Variants in NRXN3 observed in about 807,000 individuals in gnomAD.
NRXN3 encodes neurexin III.
In NRXN3, 32 loss-of-function variants were observed where a neutral mutation model predicts 137.6. That is an observed-to-expected ratio of 0.23 (90% CI 0.18 to 0.31). The LOEUF (loss-of-function observed/expected upper bound fraction) is 0.31, where lower values mean the gene tolerates loss of function less well. NRXN3 is among the 10% of genes least tolerant of loss of function. NRXN3 has a pLI of 1.00. For missense variants in NRXN3, 1,574 were observed against 2,062.5 expected, an observed-to-expected ratio of 0.76 and a Z score of 4.59; for synonymous variants, 798 against 784.5, an observed-to-expected ratio of 1.02 and a Z score of -0.29.
chr14:79,469,656 G>C (rs1009942980), intron 16 of NRXN3, among the ~76,000 whole-genome samples: 2 of 152,158 alleles, frequency 1.3e-5, no homozygotes, highest in African/African-American at 4.8e-5. Context: ...TGAAAGCCCA[G>C]TAGATTTTCC....
At chr14:79,762,490 AT>A (rs918379381) in intron 19 of NRXN3, among the ~76,000 whole-genome samples, 2 of 151,162 alleles carry the variant, frequency 1.3e-5, no homozygotes, top group South Asian at 2.1e-4. Flanking sequence ...AATTTAATAA[AT>A]TTTTTTTCTT....
chr14:78,265,847 A>G (rs1019885903), intron 2 of NRXN3, among the ~76,000 whole-genome samples: 9 of 152,190 alleles, frequency 5.9e-5, no homozygotes, highest in African/African-American at 1.9e-4. Context: ...ACTGATCACA[A>G]TGATAATTAA....
intron 10 of NRXN3, among the ~76,000 whole-genome samples, chr14:78,925,065 G>A (rs986364285): frequency 1.3e-5 from 2 of 152,156 alleles, no homozygotes; most frequent in Non-Finnish European, 2.9e-5. Context: ...TTCATTAGAC[G>A]GAGAGCCGTG....
At chr14:79,792,156 T>C (rs1222252454) in intron 19 of NRXN3, among the ~76,000 whole-genome samples, 3 of 151,932 alleles carry the variant, frequency 2.0e-5, no homozygotes, top group Admixed American at 1.3e-4. Flanking sequence ...CCTCCAGATA[T>C]ACGTTAAACT....
At chr14:78,759,319 C>T (rs934405598) in intron 8 of NRXN3, among the ~76,000 whole-genome samples, 1 of 152,166 alleles carries the variant, frequency 6.6e-6, no homozygotes, top group African/African-American at 2.4e-5. Context: ...GTGAACCAGC[C>T]TCTAACCAGG....
chr14:79,556,665 C>T (rs2097432852), intron 16 of NRXN3, among the ~76,000 whole-genome samples: 2 of 152,174 alleles, frequency 1.3e-5, no homozygotes, highest in Non-Finnish European at 2.9e-5. Flanking sequence ...AAGTGATCCT[C>T]CTGCCTCAGC....
At chr14:79,457,477 A>G (rs1026349401) in intron 15 of NRXN3, among the ~76,000 whole-genome samples, 2 of 152,198 alleles carry the variant, frequency 1.3e-5, no homozygotes, top group African/African-American at 4.8e-5. Flanking sequence ...CTCAGTGAAG[A>G]TAAATGATTG....
At chr14:79,415,689 C>T (rs539598685) in intron 15 of NRXN3, among the ~76,000 whole-genome samples, 2 of 152,210 alleles carry the variant, frequency 1.3e-5, no homozygotes, top group African/African-American at 4.8e-5. Flanking sequence ...GACCTGTTGT[C>T]ATATCTGTAC....
chr14:79,082,522 T>A (rs972008557), intron 15 of NRXN3, among the ~76,000 whole-genome samples: 10 of 151,534 alleles, frequency 6.6e-5, no homozygotes, highest in African/African-American at 2.4e-4. Context: ...ATAATCAGAG[T>A]CATGGTGAGC....
Position 79,666,158 on chromosome 14 carries a change from T to C in NRXN3, c.3616+2209T>C, listed in dbSNP as rs995870075. Reference sequence around the variant, plus strand: ...AAGAGTTTTTATTTTTCTCCTCTGATGATTTCTGTAATGCTTTCAAAATAT... The same window carrying C: ...AAGAGTTTTTATTTTTCTCCTCTGACGATTTCTGTAATGCTTTCAAAATAT... On this transcript the variant is annotated intron_variant, in intron 17 of 20. Transcript: ENST00000335750. Among the ~76,000 whole-genome samples the C allele has an allele frequency of 4.6e-5, 7 of 152,274 alleles. No homozygotes were observed. In the East Asian group the frequency reaches 7.7e-4, roughly 17 times the overall value.
At chr14:78,384,729 C>T (rs117708250) in intron 4 of NRXN3, among the ~76,000 whole-genome samples, 7 of 152,184 alleles carry the variant, frequency 4.6e-5, no homozygotes, top group East Asian at 3.9e-4. Context: ...TACTGGGGTA[C>T]GTTAAGGATC....
chr14:79,330,980 T>C (rs574415546), intron 15 of NRXN3, among the ~76,000 whole-genome samples: 1 of 152,158 alleles, frequency 6.6e-6, no homozygotes, highest in African/African-American at 2.4e-5. Context: ...ATGAAACTTT[T>C]ATTTTGGCTA....
intron 15 of NRXN3, among the ~76,000 whole-genome samples, chr14:79,188,440 G>A (rs1430765861): frequency 6.6e-6 from 1 of 151,768 alleles, no homozygotes; most frequent in Admixed American, 6.6e-5. Flanking sequence ...TCTCTAATAG[G>A]TATCTTTCTG....
chr14:79,410,229 C>A (rs1422160168), intron 15 of NRXN3, among the ~76,000 whole-genome samples: 2 of 151,722 alleles, frequency 1.3e-5, no homozygotes. Flanking sequence ...ATACTCTTGG[C>A]CTAGATCAAC....
intron 15 of NRXN3, among the ~76,000 whole-genome samples, chr14:79,355,998 A>C (rs1156632055): frequency 6.6e-6 from 1 of 152,210 alleles, no homozygotes; most frequent in Non-Finnish European, 1.5e-5. Context: ...GGGAAAATGA[A>C]ATTCAATAAT....
chr14:79,174,501 T>TTATATATATATA (rs68143466), intron 15 of NRXN3, among the ~76,000 whole-genome samples: 2,440 of 143,446 alleles, frequency 0.017, 41 homozygotes, highest in South Asian at 0.043. Flanking sequence ...ATTGAAAGTT[T>TTATATATATATA]TATATATATA....
Position 78,977,852 on chromosome 14 carries a change from A to G in NRXN3, c.3142+9506A>G, listed in dbSNP as rs72685470. ...AACATGTTATGGCTTGAAATTGGCT[A>G]TGAGGGGAGTACTAATAAAACCAAC... is the stretch of plus-strand genomic sequence containing the variant. On this transcript the variant is annotated intron_variant, in intron 14 of 20. Coordinates refer to ENST00000335750, the MANE Select transcript of NRXN3 (RefSeq NM_001330195.2). Among the ~76,000 whole-genome samples the G allele has an allele frequency of 1.6e-3, 242 of 152,302 alleles. 1 individual carries two copies. The highest frequency in any genetic ancestry group is 3.4e-3 in the Middle Eastern group (1 of 294).
intron 8 of NRXN3, among the ~76,000 whole-genome samples, chr14:78,741,064 G>A (rs927820739): frequency 6.6e-6 from 1 of 152,162 alleles, no homozygotes; most frequent in Admixed American, 6.5e-5. Flanking sequence ...ACCCTGGCAT[G>A]TTAGGTAGAG....
intron 15 of NRXN3, among the ~76,000 whole-genome samples, chr14:79,131,516 G>A (rs189409153): frequency 2.6e-4 from 39 of 152,332 alleles, no homozygotes; most frequent in Non-Finnish European, 4.1e-4. Context: ...GGACCCATTT[G>A]AGGGGGCAGT....
Sources: allele counts gnomAD v4.1 joint callset (sites outside exome capture counted in the v4.1 genomes callset), GRCh38; gene constraint gnomAD v4.1.1; transcripts MANE v1.5; gene names NCBI Gene and HGNC (gene_info 2026-07-23, HGNC 2026-07-21).